Variants in ZNF470 observed in about 807,000 individuals in gnomAD.
ZNF470 encodes zinc finger protein 470, also known as chondrogenesis zinc finger protein 1.
In ZNF470, 13 loss-of-function variants were observed where a neutral mutation model predicts 13.9. The ratio of observed to expected loss-of-function variants is 0.94; its 90% CI spans 0.61 to 1.49. ZNF470 has a LOEUF of 1.49. ZNF470 is among the 40% of genes most tolerant of loss of function. The probability of loss-of-function intolerance (pLI) is 0.00; values close to 1 mark genes in which losing one functional copy is unlikely to be tolerated. For missense variants in ZNF470, 929 were observed against 857.3 expected (o/e 1.08, Z -1.04); for synonymous variants, 293 against 282.9 (o/e 1.04, Z -0.36).
intron 5 of ZNF470, among the ~76,000 whole-genome samples, 165 bp from the exon 6 acceptor site, chr19:56,576,548 A>G (rs552640355): frequency 6.6e-6 from 1 of 152,344 alleles, no homozygotes; most frequent in African/African-American, 2.4e-5. Context: ...GATTTATTAC[A>G]GCAGTGCAAG....
chr19:56,570,109 G>C, intron 2 of ZNF470, 171 bp from the exon 3 acceptor site: 1 of 554,730 alleles, frequency 1.8e-6, no homozygotes, highest in East Asian at 3.0e-5. Context: ...CCAGAGCAGA[G>C]GGGAACCCCA....
chr19:56,567,973 G>C lies in ZNF470; in HGVS notation c.-224G>C. On this transcript the variant is annotated 5_prime_UTR_variant, in exon 1 of 6. Transcript: ENST00000330619. ...GTCAGCCCTATCTGGAAGGGGCAGA[G>C]CCCAGGACAGGGCTCCATGTCCACA... 9.1e-6 allele frequency: 9 copies of C among 985,704 alleles called. No individual in the cohort carries two copies. Among genetic ancestry groups the C allele is most frequent in the Non-Finnish European group, 1.1e-5 (9 of 830,150 alleles). The allele number at this position is 985,704 out of a possible 1,614,324, so 61.1% of individuals were successfully genotyped here. A position where few individuals can be genotyped will look rare whatever the true frequency, so the allele number is the denominator to read the frequency against.
intron 3 of ZNF470, chr19:56,573,876 C>CTA: frequency 1.5e-6 from 1 of 675,240 alleles, no homozygotes; most frequent in Non-Finnish European, 1.8e-6. Flanking sequence ...GAAGAAAAGA[C>CTA]TATAGCTAGG....
intron 2 of ZNF470, 100 bp downstream of exon 2, chr19:56,568,983 G>C (rs150338187): frequency 6.6e-6 from 1 of 152,214 alleles, no homozygotes; most frequent in Non-Finnish European, 1.5e-5. Context: ...AGCAGGTTTG[G>C]GGTTTTTTTC....
At chr19:56,568,104 G>A (rs2044424776) in intron 1 of ZNF470, 66 bp downstream of exon 1, 1 of 985,804 alleles carries the variant, frequency 1.0e-6, no homozygotes, top group Admixed American at 6.1e-5. Context: ...GCTGTCTTTC[G>A]GGGTTCAGGT....
At chr19:56,573,023 A>G (rs1444978299) in intron 3 of ZNF470, among the ~76,000 whole-genome samples, 2 of 152,242 alleles carry the variant, frequency 1.3e-5, no homozygotes, top group Admixed American at 6.5e-5. Context: ...TTCAATGGTT[A>G]AAAACAAAGC....
At chr19:56,571,096 C>T (rs1420553842) in intron 3 of ZNF470, among the ~76,000 whole-genome samples, 1 of 152,178 alleles carries the variant, frequency 6.6e-6, no homozygotes, top group African/African-American at 2.4e-5. Flanking sequence ...GGAGGAAGTG[C>T]AGGCATATGG....
At chr19:56,573,653 A>C (rs983395445) in intron 3 of ZNF470, among the ~76,000 whole-genome samples, 4 of 152,204 alleles carry the variant, frequency 2.6e-5, no homozygotes, top group Admixed American at 1.3e-4. Flanking sequence ...GATTATCAAA[A>C]AACAACTTTT....
intron 5 of ZNF470, among the ~76,000 whole-genome samples, chr19:56,575,997 ATAAAG>A (rs376279586): frequency 3.3e-5 from 5 of 152,198 alleles, no homozygotes; most frequent in African/African-American, 9.7e-5. Context: ...GCTACTGAAA[ATAAAG>A]TATTGTACAT....
intron 3 of ZNF470, among the ~76,000 whole-genome samples, chr19:56,572,229 C>T (rs1233674387): frequency 1.4e-5 from 2 of 143,248 alleles, no homozygotes; most frequent in African/African-American, 5.4e-5. Context: ...GCAGACTGGA[C>T]ACAGTGACTC....
rs763820930 is a variant in ZNF470 at position 56,577,318 on chromosome 19, G to A, written c.889G>A (p.Ala297Thr). ...TECGKAFSQN[A>T]HLVQHQRVHT... ...ATGTGGGAAAGCCTTCAGCCAGAATGCTCATCTTGTTCAACACCAGAGAGT... is the reference window on the plus strand; with the variant it reads ...ATGTGGGAAAGCCTTCAGCCAGAATACTCATCTTGTTCAACACCAGAGAGT... Residue 297 changes from alanine to threonine, a missense_variant, in exon 6 of 6, where the codon GCT becomes ACT. Transcript: ENST00000330619. 3.7e-6 allele frequency: 6 copies of A among 1,613,762 alleles called. No individual in the cohort carries two copies. The highest frequency in any genetic ancestry group is 5.1e-6 in the Non-Finnish European group (6 of 1,179,852).
chr19:56,581,394 TTATG>T lies in ZNF470; in HGVS notation c.*2815_*2818del. 1.7e-5 allele frequency: 16 copies of T among 966,104 alleles called. No individual in the cohort carries two copies. The highest frequency in any genetic ancestry group is 1.8e-5 in the Non-Finnish European group (15 of 812,298). The allele number at this position is 966,104 out of a possible 1,614,324, so 59.8% of individuals were successfully genotyped here. A position where few individuals can be genotyped will look rare whatever the true frequency, so the allele number is the denominator to read the frequency against. On this transcript the variant is annotated 3_prime_UTR_variant, in exon 6 of 6. Transcript: ENST00000330619. Reference sequence around the variant, plus strand: ...CATTGTTGATTACATATCTATTGCTTTATGTATATACCCTTTGAATTAATATTCC... The same window carrying T: ...CATTGTTGATTACATATCTATTGCTTTATATACCCTTTGAATTAATATTCC...
chr19:56,578,036 C>G lies in ZNF470; in HGVS notation c.1607C>G (p.Pro536Arg), dbSNP rs2044505364. Reference sequence around the variant, plus strand: ...CAGAAAATACACACTGGGGAGAAACCTTATGAATGTAAGGAATGTGGTAAG... The same window carrying G: ...CAGAAAATACACACTGGGGAGAAACGTTATGAATGTAAGGAATGTGGTAAG... ...QHQKIHTGEKPYECKECGKAF... is the reference protein window; with the variant it reads ...QHQKIHTGEKRYECKECGKAF... The change falls in exon 6 of 6, where the codon CCT (proline) becomes CGT (arginine). Residue 536 changes from proline to arginine, a missense_variant. Pro to Arg is a moderately radical substitution (Grantham distance 103, BLOSUM62 -2). Coordinates refer to ENST00000330619, the MANE Select transcript of ZNF470 (RefSeq NM_001001668.4). 1.9e-6 allele frequency: 3 copies of G among 1,613,888 alleles called. No individual in the cohort carries two copies. In the African/African-American group the frequency reaches 4.0e-5, roughly 22 times the overall value.
chr19:56,576,928 CTT>C lies in ZNF470; in HGVS notation c.500_501del (p.Leu167HisfsTer2). On this transcript the variant is annotated frameshift_variant, in exon 6 of 6. Transcript: ENST00000330619. LOFTEE classifies it low-confidence loss of function (END_TRUNC). Reference sequence around the variant, plus strand: ...AGAGACCATCACTCATATAGATACTCTTATTGAAAAAAGAGATCACTCTAACA... The same window carrying C: ...AGAGACCATCACTCATATAGATACTCATTGAAAAAAGAGATCACTCTAACA... ...RQETITHIDT[L>X]IEKRDHSNKS... 1 of 1,578,912 alleles carries C rather than the reference CTT, an allele frequency of 6.3e-7. No homozygotes were observed. Among genetic ancestry groups the C allele is most frequent in the Non-Finnish European group, 8.6e-7 (1 of 1,168,318 alleles).
chr19:56,581,706 G>GT lies in ZNF470; in HGVS notation c.*3128dup, dbSNP rs2044537250. On this transcript the variant is annotated 3_prime_UTR_variant, in exon 6 of 6. Transcript: ENST00000330619. ...AAAATATATATTATAGTAGGCATTT[G>GT]TTTTTCTCTGCCCAGTTTCCCTTGC... The GT allele has an allele frequency of 2.0e-6, 2 of 985,138 alleles. No individual in the cohort carries two copies. The highest frequency in any genetic ancestry group is 1.7e-5 in the African/African-American group (1 of 57,184). 61.0% of individuals were successfully genotyped at this position (985,138 alleles called of 1,614,324 possible). A position where few individuals can be genotyped will look rare whatever the true frequency, so the allele number is the denominator to read the frequency against.
Position 56,582,629 on chromosome 19 carries a change from A to G in ZNF470, c.*4046A>G. On this transcript the variant is annotated 3_prime_UTR_variant, in exon 6 of 6. Coordinates refer to ENST00000330619, the MANE Select transcript of ZNF470 (RefSeq NM_001001668.4). ...CCCCAACATGACTGTATTTGGACAT[A>G]AGGCCTTTAAGAAACTAAGGTTAAG... The G allele has an allele frequency of 1.0e-6, 1 of 954,742 alleles. No homozygotes were observed. The highest frequency in any genetic ancestry group is 1.2e-6 in the Non-Finnish European group (1 of 801,956). 59.1% of individuals were successfully genotyped at this position (954,742 alleles called of 1,614,324 possible). A position where few individuals can be genotyped will look rare whatever the true frequency, so the allele number is the denominator to read the frequency against.
intron 3 of ZNF470, chr19:56,574,180 A>C (rs878872832): frequency 2.5e-6 from 2 of 799,478 alleles, no homozygotes; most frequent in South Asian, 2.9e-5. Flanking sequence ...AAGAGCAAGG[A>C]GTATCTCATT....
intron 3 of ZNF470, chr19:56,573,834 TTC>T (rs1231272171): frequency 7.7e-6 from 3 of 391,426 alleles, no homozygotes; most frequent in Non-Finnish European, 1.0e-5. Flanking sequence ...AAATGTGTTC[TTC>T]TCTCCTAATA....
chr19:56,567,716 A>G lies in ZNF470; in HGVS notation c.-481A>G. ...CGCGGGGATGGCGGCCCGGTGTGTG[A>G]CTGTCCGGTGCGTGGCCGCGAATCT... On this transcript the variant is annotated 5_prime_UTR_variant, in exon 1 of 6. Coordinates refer to ENST00000330619, the MANE Select transcript of ZNF470 (RefSeq NM_001001668.4). 1.0e-6 allele frequency: 1 copy of G among 988,676 alleles called. No homozygotes were observed. Among genetic ancestry groups the G allele is most frequent in the Non-Finnish European group, 1.2e-6 (1 of 832,638 alleles). 61.2% of individuals were successfully genotyped at this position (988,676 alleles called of 1,614,324 possible). A position where few individuals can be genotyped will look rare whatever the true frequency, so the allele number is the denominator to read the frequency against.
Sources: gnomAD v4.1 joint callset for allele counts (sites outside exome capture counted in the v4.1 genomes callset) on GRCh38, gnomAD v4.1.1 for gene constraint, MANE v1.5 for transcripts, NCBI Gene and HGNC (gene_info 2026-07-23, HGNC 2026-07-21) for gene names.